FRMD4A: variants seen among roughly 807,000 people sequenced by gnomAD.
FRMD4A encodes FERM domain containing 4A, also known as FERM domain-containing protein 4A.
A neutral mutation model predicts 129.1 loss-of-function variants in FRMD4A; 29 were observed. The ratio of observed to expected loss-of-function variants is 0.22; its 90% confidence interval spans 0.17 to 0.31. FRMD4A has a LOEUF of 0.31. Ranked by LOEUF, FRMD4A falls within the 10% of genes least tolerant of loss-of-function variation. The pLI is 1.00. For missense variants in FRMD4A, 1,272 were observed against 1,375.8 expected (o/e 0.92, Z 1.19); for synonymous variants, 634 against 571.6 (o/e 1.11, Z -1.56).
At chr10:13,802,038 C>A (rs1057503401) in intron 4 of FRMD4A, among the ~76,000 whole-genome samples, 2 of 148,274 alleles carry the variant, frequency 1.3e-5, no homozygotes, top group Non-Finnish European at 3.0e-5. Flanking sequence ...CCAGCAGCCA[C>A]TCAGAGTATT....
Position 13,997,449 on chromosome 10 carries a change from C to T in FRMD4A, c.46-138537G>A, listed in dbSNP as rs149998874. On this transcript the variant is annotated intron_variant, in intron 2 of 24. Coordinates refer to ENST00000357447, the MANE Select transcript of FRMD4A (RefSeq NM_018027.5). ...ATCACTTCCTCTGCTGTGTTCTTTTCTCTACCCCACTGTGCCTGTTTTTCT... is the reference window on the plus strand; with the variant it reads ...ATCACTTCCTCTGCTGTGTTCTTTTTTCTACCCCACTGTGCCTGTTTTTCT... Among the ~76,000 whole-genome samples the T allele has an allele frequency of 9.2e-5, 14 of 152,190 alleles. No homozygotes were observed. The East Asian group carries it at 2.7e-3, about 29-fold the overall frequency.
intron 2 of FRMD4A, among the ~76,000 whole-genome samples, chr10:13,965,573 A>T (rs1042612663): frequency 6.6e-6 from 1 of 152,232 alleles, no homozygotes; most frequent in Non-Finnish European, 1.5e-5. Context: ...CCCTGTGTTT[A>T]GAAGGCACAT....
chr10:14,140,564 GCCC>G (rs1426000131), intron 2 of FRMD4A, among the ~76,000 whole-genome samples: 1 of 152,114 alleles, frequency 6.6e-6, no homozygotes, highest in Non-Finnish European at 1.5e-5. Context: ...CCGGGCATCA[GCCC>G]CTTCTCCTTG....
At chr10:14,084,893 C>T (rs1273585497) in intron 2 of FRMD4A, among the ~76,000 whole-genome samples, 1 of 152,250 alleles carries the variant, frequency 6.6e-6, no homozygotes, top group African/African-American at 2.4e-5. Flanking sequence ...TGCCTCCTGG[C>T]TGACCCTGGT....
chr10:14,147,131 C>G (rs1388784900), intron 2 of FRMD4A, among the ~76,000 whole-genome samples: 2 of 152,174 alleles, frequency 1.3e-5, no homozygotes, highest in Admixed American at 6.5e-5. Flanking sequence ...GGCATATTAT[C>G]TTTTCGAAAA....
intron 3 of FRMD4A, among the ~76,000 whole-genome samples, chr10:13,841,097 G>T (rs1033235232): frequency 2.0e-5 from 3 of 152,148 alleles, no homozygotes; most frequent in African/African-American, 4.8e-5. Flanking sequence ...GACAGAGTGA[G>T]ACCCCCATCT....
chr10:14,204,664 T>C (rs1007523269), intron 2 of FRMD4A, among the ~76,000 whole-genome samples: 6 of 152,108 alleles, frequency 3.9e-5, no homozygotes, highest in African/African-American at 1.4e-4. Flanking sequence ...CCCTCTCTTT[T>C]TCTTCCTAAA....
chr10:13,939,528 G>A (rs1262367051), intron 2 of FRMD4A, among the ~76,000 whole-genome samples: 1 of 152,122 alleles, frequency 6.6e-6, no homozygotes, highest in Non-Finnish European at 1.5e-5. Context: ...ACATTTTTGA[G>A]GGTTGTACTT....
At chr10:13,915,158 A>C (rs1190911227) in intron 2 of FRMD4A, among the ~76,000 whole-genome samples, 2 of 152,204 alleles carry the variant, frequency 1.3e-5, no homozygotes, top group Non-Finnish European at 2.9e-5. Flanking sequence ...AGATGTTTGC[A>C]AATTTCATCA....
intron 2 of FRMD4A, among the ~76,000 whole-genome samples, chr10:13,946,410 C>G (rs1427306284): frequency 1.3e-5 from 2 of 152,158 alleles, no homozygotes; most frequent in Non-Finnish European, 2.9e-5. Flanking sequence ...AGTGTTTTCT[C>G]ACCATAAAAA....
At chr10:14,102,644 T>A (rs1837368044) in intron 2 of FRMD4A, among the ~76,000 whole-genome samples, 1 of 152,164 alleles carries the variant, frequency 6.6e-6, no homozygotes, top group Non-Finnish European at 1.5e-5. Flanking sequence ...AAGGGATACT[T>A]CAGAGAAGCT....
At chr10:14,243,726 T>C (rs1233868791) in intron 2 of FRMD4A, among the ~76,000 whole-genome samples, 1 of 151,844 alleles carries the variant, frequency 6.6e-6, no homozygotes, top group Non-Finnish European at 1.5e-5. Flanking sequence ...GAAAAACTTC[T>C]GGAGATGGTG....
intron 6 of FRMD4A, among the ~76,000 whole-genome samples, chr10:13,763,026 C>T (rs2092138104): frequency 6.6e-6 from 1 of 152,136 alleles, no homozygotes; most frequent in African/African-American, 2.4e-5. Context: ...TGAGGAATTG[C>T]TCAGAATCCC....
At chr10:13,835,014 C>A in intron 3 of FRMD4A, among the ~76,000 whole-genome samples, 1 of 152,136 alleles carries the variant, frequency 6.6e-6, no homozygotes, top group East Asian at 1.9e-4. Flanking sequence ...TATCTAAGAC[C>A]CAAGAGTGAG....
At chr10:13,929,116 A>G (rs922157374) in intron 2 of FRMD4A, among the ~76,000 whole-genome samples, 1 of 152,208 alleles carries the variant, frequency 6.6e-6, no homozygotes, top group African/African-American at 2.4e-5. Flanking sequence ...CAAGCCACAC[A>G]TTATTTGTGG....
chr10:13,684,891 G>C (rs1420922616), intron 15 of FRMD4A: 19 of 975,792 alleles, frequency 1.9e-5, no homozygotes, highest in Admixed American at 6.2e-5. Context: ...AAAAAATGAA[G>C]AAGGCGGTAT....
At chr10:14,127,282 G>A (rs748008990) in intron 2 of FRMD4A, among the ~76,000 whole-genome samples, 4 of 152,220 alleles carry the variant, frequency 2.6e-5, no homozygotes, top group Admixed American at 6.5e-5. Context: ...TGGAGCTCTT[G>A]CTGAGCTGCT....
At chr10:14,014,776 G>A (rs1281200595) in intron 2 of FRMD4A, among the ~76,000 whole-genome samples, 4 of 152,182 alleles carry the variant, frequency 2.6e-5, no homozygotes, top group African/African-American at 4.8e-5. Context: ...TTTACCTACG[G>A]TTTGCTCTGA....
rs61118917 is a variant in FRMD4A at position 13,774,963 on chromosome 10, A to C, written c.384+7959T>G. Reference sequence around the variant, plus strand: ...TTAGAAATTTAAGAAAAAAAAAAACAACAAAAAACAAAACCATAATGGCAA... The same window carrying C: ...TTAGAAATTTAAGAAAAAAAAAAACCACAAAAAACAAAACCATAATGGCAA... On this transcript the variant is annotated intron_variant, in intron 6 of 24. Coordinates refer to ENST00000357447, the MANE Select transcript of FRMD4A (RefSeq NM_018027.5). Among the ~76,000 whole-genome samples the C allele has an allele frequency of 4.8e-3, 713 of 149,368 alleles. 5 individuals are homozygous for C. The highest frequency in any genetic ancestry group is 0.015 in the African/African-American group (607 of 40,626).
Sources: gnomAD v4.1 joint callset for allele counts (sites outside exome capture counted in the v4.1 genomes callset) on GRCh38, gnomAD v4.1.1 for gene constraint, MANE v1.5 for transcripts, NCBI Gene and HGNC (gene_info 2026-07-23, HGNC 2026-07-21) for gene names.